Variants in GAST observed in about 807,000 individuals in gnomAD.
GAST encodes the protein preprogastrin.
A neutral mutation model predicts 12.5 loss-of-function variants in GAST; 9 were observed. The observed-to-expected ratio is 0.72, with a 90% CI of 0.43 to 1.25. The LOEUF is 1.25. Among genes scored for constraint, GAST ranks in the 50% most tolerant of loss-of-function variants. The pLI, the probability that GAST is intolerant of heterozygous loss-of-function variation, is 0.00. For missense variants in GAST, 121 were observed against 127.7 expected (o/e 0.95, Z 0.25); for synonymous variants, 52 against 51.1 (o/e 1.02, Z -0.08).
intron 1 of GAST, among the ~76,000 whole-genome samples, chr17:41,714,383 G>A (rs1555585560): frequency 6.6e-6 from 1 of 152,080 alleles, no homozygotes. Context: ...ATGTTGCCCA[G>A]GCTGGTCTCA....
Position 41,715,509 on chromosome 17 carries a change from C to A in GAST, c.73C>A (p.Pro25Thr), listed in dbSNP as rs1555585747. The A allele has an allele frequency of 2.5e-6, 4 of 1,613,718 alleles. No individual in the cohort carries two copies. Among genetic ancestry groups the A allele is most frequent in the South Asian group, 1.1e-5 (1 of 91,082 alleles). Residue 25 changes from proline (P) to threonine (T), a missense_variant, in exon 2 of 3, where the codon CCC becomes ACC. By Grantham distance (38) the Pro-to-Thr change is conservative. Coordinates refer to ENST00000329402, the MANE Select transcript of GAST (RefSeq NM_000805.5). ...CGCCTTCTCTGAAGCTTCTTGGAAG[C>A]CCCGCTCCCAGCAGCCAGATGCACC... Reference protein sequence around the residue: ...LAAFSEASWKPRSQQPDAPLG... With the variant: ...LAAFSEASWKTRSQQPDAPLG...
In GAST at chr17:41,715,843, G is replaced by A. The variant is rs782469519; in HGVS notation, c.277G>A (p.Gly93Ser). 11 of 1,611,290 alleles carry A rather than the reference G, an allele frequency of 6.8e-6. No individual in the cohort carries two copies. Among genetic ancestry groups the A allele is most frequent in the South Asian group, 1.1e-5 (1 of 90,758 alleles). The change falls in exon 3 of 3, where the codon GGC (glycine) becomes AGC (serine). Residue 93 changes from glycine to serine, a missense_variant. Coordinates refer to ENST00000329402, the MANE Select transcript of GAST (RefSeq NM_000805.5). The stretch of plus-strand genomic sequence containing the variant: ...AGAAGCCTATGGATGGATGGACTTC[G>A]GCCGCCGCAGTGCTGAGGATGAGAA... ...EEEAYGWMDF[G>S]RRSAEDEN
rs1336037054 is a variant in GAST at position 41,714,681 on chromosome 17, G to GGGAGGATCACCTGAGCCCAGGAGGT, written c.-5-750_-5-726dup. Among the ~76,000 whole-genome samples the GGGAGGATCACCTGAGCCCAGGAGGT allele has an allele frequency of 8.5e-5, 13 of 152,094 alleles. No homozygotes were observed. In the East Asian group the frequency reaches 2.3e-3, roughly 27 times the overall value. ...TCCCAGCTCTTCTGGAGGCTGAGGT[G>GGGAGGATCACCTGAGCCCAGGAGGT]GGAGGATCACCTGAGCCCAGGAGGT... On this transcript the variant is annotated intron_variant, in intron 1 of 2. Coordinates refer to ENST00000329402, the MANE Select transcript of GAST (RefSeq NM_000805.5).
At chr17:41,714,404 C>T (rs959615587) in intron 1 of GAST, among the ~76,000 whole-genome samples, 3 of 152,208 alleles carry the variant, frequency 2.0e-5, no homozygotes, top group South Asian at 4.1e-4. Flanking sequence ...AACTTGTGGG[C>T]TCAAGGGATC....
At position 41,715,887 on chromosome 17, in the gene GAST, A is replaced by C. The variant is rs782576189; in HGVS notation, c.*15A>C. The C allele has an allele frequency of 1.3e-6, 2 of 1,578,332 alleles. No individual in the cohort carries two copies. Among genetic ancestry groups the C allele is most frequent in the East Asian group, 4.5e-5 (2 of 44,714 alleles). On this transcript the variant is annotated 3_prime_UTR_variant, in exon 3 of 3. Coordinates refer to ENST00000329402, the MANE Select transcript of GAST (RefSeq NM_000805.5). ...ATGAGAACTAACAATCCTAGAACCA[A>C]GCTTCAGAGCCTAGCCACCTCCCAC...
chr17:41,714,315 G>A (rs888510044), intron 1 of GAST, among the ~76,000 whole-genome samples: 3 of 152,092 alleles, frequency 2.0e-5, no homozygotes. Context: ...TGGGAATACA[G>A]GTGCATGCCA....
At chr17:41,713,447 T>C (rs1910902183) in intron 1 of GAST, among the ~76,000 whole-genome samples, 1 of 152,068 alleles carries the variant, frequency 6.6e-6, no homozygotes. Context: ...TCACAACACT[T>C]TGGGAGGCTG....
At position 41,715,666 on chromosome 17, in the gene GAST, C is replaced by T. The variant is rs1555585814; in HGVS notation, c.211+19C>T. On this transcript the variant is annotated intron_variant, in intron 2 of 2. Transcript: ENST00000329402. The stretch of plus-strand genomic sequence containing the variant: ...GTGGCAGGTAGGAGCTGCTGACTGC[C>T]CTGCTTGCCTCACTTGGCCAGGTTT... The T allele has an allele frequency of 6.2e-7, 1 of 1,610,522 alleles. No individual in the cohort carries two copies. Among genetic ancestry groups the T allele is most frequent in the Admixed American group, 1.7e-5 (1 of 59,550 alleles).
intron 1 of GAST, among the ~76,000 whole-genome samples, chr17:41,713,935 C>T (rs2143136497): frequency 6.6e-6 from 1 of 152,290 alleles, no homozygotes; most frequent in African/African-American, 2.4e-5. Flanking sequence ...TTGATTCACC[C>T]TGATACATAA....
rs547287321 is a variant in GAST at position 41,715,694 on chromosome 17, C to T, written c.211+47C>T. The T allele has an allele frequency of 7.5e-5, 121 of 1,604,742 alleles. No individual in the cohort carries two copies. In the South Asian group the frequency reaches 1.3e-3, roughly 17 times the overall value. On this transcript the variant is annotated intron_variant, in intron 2 of 2. Transcript: ENST00000329402. ...GCTTGCCTCACTTGGCCAGGTTTGG[C>T]CAAGGTCTCCCCAGACTGGCTCTGA...
chr17:41,714,278 TCCTCCCA>T (rs1910919116), intron 1 of GAST, among the ~76,000 whole-genome samples: 1 of 152,124 alleles, frequency 6.6e-6, no homozygotes, highest in Non-Finnish European at 1.5e-5. Flanking sequence ...GTTCAAGCGA[TCCTCCCA>T]CCTCGGCCTC....
Position 41,715,771 on chromosome 17 carries a change from T to C in GAST, c.212-7T>C. On this transcript the variant is annotated splice_polypyrimidine_tract_variant and splice_region_variant and intron_variant, in intron 2 of 2. Coordinates refer to ENST00000329402, the MANE Select transcript of GAST (RefSeq NM_000805.5). ...TTCCCCCATTCTCGCCTCTCTCACC[T>C]CCTCAGACCCGTCCAAGAAGCAGGG... The C allele has an allele frequency of 6.3e-7, 1 of 1,597,058 alleles. No homozygotes were observed. Among genetic ancestry groups the C allele is most frequent in the South Asian group, 1.1e-5 (1 of 88,286 alleles).
At chr17:41,714,990 C>T (rs1369142579) in intron 1 of GAST, among the ~76,000 whole-genome samples, 5 of 152,078 alleles carry the variant, frequency 3.3e-5, no homozygotes, top group African/African-American at 4.8e-5. Context: ...AAGAAATAGT[C>T]CACAACTCCA....
chr17:41,715,333 C>T (rs1162791888), intron 1 of GAST, 99 bp from the exon 2 acceptor site: 3 of 803,676 alleles, frequency 3.7e-6, no homozygotes, highest in East Asian at 5.0e-5. Flanking sequence ...GCACACTCAT[C>T]AGCAGGTAGA....
chr17:41,714,345 G>C (rs1910920984), intron 1 of GAST, among the ~76,000 whole-genome samples: 3 of 152,082 alleles, frequency 2.0e-5, no homozygotes, highest in African/African-American at 7.2e-5. Flanking sequence ...GCTAATTTTT[G>C]TATTTTTTGT....
In GAST at chr17:41,715,489, T is replaced by C; in HGVS notation, c.53T>C (p.Phe18Ser). The change falls in exon 2 of 3, where the codon TTC becomes TCC. Residue 18 changes from phenylalanine (F) to serine (S), a missense_variant. By Grantham distance (155) the Phe-to-Ser change is radical. Coordinates refer to ENST00000329402, the MANE Select transcript of GAST (RefSeq NM_000805.5). Reference protein sequence around the residue: ...VLIFALALAAFSEASWKPRSQ... With the variant: ...VLIFALALAASSEASWKPRSQ... Reference sequence around the variant, plus strand: ...ATCTTTGCACTGGCTCTGGCCGCCTTCTCTGAAGCTTCTTGGAAGCCCCGC... The same window carrying C: ...ATCTTTGCACTGGCTCTGGCCGCCTCCTCTGAAGCTTCTTGGAAGCCCCGC... 8.1e-6 allele frequency: 13 copies of C among 1,613,908 alleles called. No individual in the cohort carries two copies. Among genetic ancestry groups the C allele is most frequent in the Non-Finnish European group, 1.1e-5 (13 of 1,180,008 alleles).
chr17:41,715,323 GCA>G (rs1295549307), intron 1 of GAST, 107 bp from the exon 2 acceptor site: 29 of 740,034 alleles, frequency 3.9e-5, no homozygotes, highest in Admixed American at 2.7e-4. Flanking sequence ...AGAAAGAATT[GCA>G]CACTCATCAG....
Position 41,715,463 on chromosome 17 carries a change from G to C in GAST, c.27G>C (p.Leu9=). The C allele has an allele frequency of 1.2e-6, 2 of 1,613,914 alleles. No homozygotes were observed. The highest frequency in any genetic ancestry group is 1.7e-6 in the Non-Finnish European group (2 of 1,179,966). The change falls in exon 2 of 3, where the codon CTG becomes CTC. Residue 9 remains leucine (L), a synonymous_variant. Coordinates refer to ENST00000329402, the MANE Select transcript of GAST (RefSeq NM_000805.5). MQRLCVYV[L]IFALALAAFS... is the part of the protein sequence containing the mutation. ...TGCAGCGACTGTGTGTGTATGTGCT[G>C]ATCTTTGCACTGGCTCTGGCCGCCT... is the stretch of plus-strand genomic sequence containing the variant.
intron 1 of GAST, 99 bp from the exon 2 acceptor site, chr17:41,715,333 C>G (rs1162791888): frequency 2.5e-6 from 2 of 803,568 alleles, no homozygotes; most frequent in Non-Finnish European, 4.0e-6. Flanking sequence ...GCACACTCAT[C>G]AGCAGGTAGA....
Sources: allele counts gnomAD v4.1 joint callset (sites outside exome capture counted in the v4.1 genomes callset), GRCh38; gene constraint gnomAD v4.1.1; transcripts MANE v1.5; gene names NCBI Gene and HGNC (gene_info 2026-07-23, HGNC 2026-07-21).